Variants in SDCCAG8 observed in about 807,000 individuals in gnomAD.
The protein encoded by SDCCAG8 is SHH signaling and ciliogenesis regulator SDCCAG8.
In SDCCAG8, 74 loss-of-function variants were observed where a neutral mutation model predicts 101.8. The ratio of observed to expected loss-of-function variants is 0.73; its 90% confidence interval spans 0.60 to 0.88. The LOEUF (loss-of-function observed/expected upper bound fraction) is 0.88. Among genes scored for constraint, SDCCAG8 ranks in the 40% least tolerant of loss-of-function variants. SDCCAG8 has a pLI of 0.00. For missense variants in SDCCAG8, 787 were observed against 822.6 expected, an observed-to-expected ratio of 0.96 and a Z score of 0.53; for synonymous variants, 281 against 292.9, an observed-to-expected ratio of 0.96 and a Z score of 0.41.
At position 243,316,665 on chromosome 1, in the gene SDCCAG8, T is replaced by C. The variant is rs2073266742; in HGVS notation, c.930-90T>C. ...CTCAGCCGGCCTACCCTGGCTCTTCTAATACATATTAATGCTTTTCTCTCC... is the reference window on the plus strand; with the variant it reads ...CTCAGCCGGCCTACCCTGGCTCTTCCAATACATATTAATGCTTTTCTCTCC... On this transcript the variant is annotated intron_variant, in intron 8 of 17. Coordinates refer to ENST00000366541, the MANE Select transcript of SDCCAG8 (RefSeq NM_006642.5). 5 of 1,517,306 alleles carry C rather than the reference T, an allele frequency of 3.3e-6. No homozygotes were observed. In the South Asian group the frequency reaches 5.7e-5, roughly 17 times the overall value. 94.0% of individuals were successfully genotyped at this position (1,517,306 alleles called of 1,614,324 possible). A position where few individuals can be genotyped will look rare whatever the true frequency, so the allele number is the denominator to read the frequency against.
At chr1:243,400,279 T>A (rs1172133742) in intron 13 of SDCCAG8, among the ~76,000 whole-genome samples, 1 of 152,216 alleles carries the variant, frequency 6.6e-6, no homozygotes, top group Non-Finnish European at 1.5e-5. Context: ...TTCTATCAAA[T>A]CTCCACACAT....
intron 16 of SDCCAG8, among the ~76,000 whole-genome samples, chr1:243,455,194 G>C (rs994822302): frequency 3.3e-5 from 5 of 152,142 alleles, no homozygotes; most frequent in African/African-American, 4.8e-5. Flanking sequence ...AGGGAATTTT[G>C]AAGTTTTATT....
chr1:243,457,321 T>A (rs1422180367), intron 16 of SDCCAG8, among the ~76,000 whole-genome samples: 2 of 152,226 alleles, frequency 1.3e-5, no homozygotes, highest in African/African-American at 4.8e-5. Flanking sequence ...ATAATTCATG[T>A]AAATGTCCGC....
intron 16 of SDCCAG8, among the ~76,000 whole-genome samples, chr1:243,460,927 G>T (rs1422789946): frequency 6.6e-6 from 1 of 152,196 alleles, no homozygotes; most frequent in African/African-American, 2.4e-5. Context: ...GTATCTTATT[G>T]CTTAATTATT....
chr1:243,475,922 C>A, intron 16 of SDCCAG8: 1 of 985,234 alleles, frequency 1.0e-6, no homozygotes, highest in Non-Finnish European at 1.2e-6. Context: ...TATTCCTTCT[C>A]CCCCACAGTG....
chr1:243,270,392 C>G, intron 2 of SDCCAG8, 135 bp downstream of exon 2: 1 of 971,998 alleles, frequency 1.0e-6, no homozygotes, highest in Non-Finnish European at 1.6e-6. Flanking sequence ...AATTTAATTC[C>G]CTCGCTTAAT....
At chr1:243,386,837 G>A (rs1370669695) in intron 13 of SDCCAG8, among the ~76,000 whole-genome samples, 2 of 152,120 alleles carry the variant, frequency 1.3e-5, no homozygotes, top group Non-Finnish European at 2.9e-5. Context: ...TGCATGACAC[G>A]TGACGGTGAA....
intron 4 of SDCCAG8, among the ~76,000 whole-genome samples, chr1:243,275,217 A>G (rs1485302093): frequency 6.6e-6 from 1 of 152,200 alleles, no homozygotes; most frequent in Admixed American, 6.5e-5. Flanking sequence ...TAATGTCATT[A>G]ATGCTAATAG....
intron 10 of SDCCAG8, among the ~76,000 whole-genome samples, chr1:243,339,555 T>C (rs1307360806): frequency 6.6e-6 from 1 of 152,340 alleles, no homozygotes; most frequent in South Asian, 2.1e-4. Flanking sequence ...GAAAATTAGA[T>C]TTGTAGACAA....
chr1:243,409,988 T>G (rs973970907), intron 13 of SDCCAG8, among the ~76,000 whole-genome samples: 3 of 152,182 alleles, frequency 2.0e-5, no homozygotes, highest in African/African-American at 7.2e-5. Context: ...GCAAAAGTAT[T>G]GTGATTTTTG....
intron 12 of SDCCAG8, among the ~76,000 whole-genome samples, chr1:243,376,217 GTCTTTTAGTCAGATTTTACTA>G (rs1185292416): frequency 6.6e-6 from 1 of 152,144 alleles, no homozygotes; most frequent in African/African-American, 2.4e-5. Context: ...GATATTTGCT[GTCTTTTAGTCAGATTTTACTA>G]TGTGCTAGGC....
chr1:243,367,309 G>A (rs1012111322), intron 12 of SDCCAG8, among the ~76,000 whole-genome samples: 1 of 151,812 alleles, frequency 6.6e-6, no homozygotes, highest in Non-Finnish European at 1.5e-5. Flanking sequence ...TGTTTTCCTG[G>A]TTTTTTGCAG....
intron 1 of SDCCAG8, among the ~76,000 whole-genome samples, chr1:243,257,595 GT>G (rs1203188011): frequency 6.6e-6 from 1 of 152,252 alleles, no homozygotes; most frequent in East Asian, 1.9e-4. Flanking sequence ...CAAAGTGAAG[GT>G]TTTTCAATAT....
intron 8 of SDCCAG8, among the ~76,000 whole-genome samples, chr1:243,308,394 A>C (rs961317446): frequency 3.9e-5 from 6 of 152,230 alleles, no homozygotes; most frequent in African/African-American, 1.4e-4. Context: ...AAACCATGCC[A>C]CTTTGAACAG....
rs767707839 is a variant in SDCCAG8 at position 243,316,759 on chromosome 1, A to G, written c.934A>G (p.Arg312Gly). ...MQTIERLVKE[R>G]DDLMSALVSV... ...ATGTTCTTTTTGTGCTGACAGAGAA[A>G]GAGATGACTTGATGTCTGCACTAGT... The change falls in exon 9 of 18, where the codon AGA becomes GGA. Residue 312 changes from arginine to glycine, a missense_variant. By Grantham distance (125) the Arg-to-Gly change is moderately radical (BLOSUM62 -2). Transcript: ENST00000366541. 7 of 1,614,190 alleles carry G rather than the reference A, an allele frequency of 4.3e-6. No homozygotes were observed. The South Asian group carries it at 5.5e-5, about 13-fold the overall frequency.
At chr1:243,256,753 A>G (rs1254435236) in intron 1 of SDCCAG8, among the ~76,000 whole-genome samples, 4 of 152,244 alleles carry the variant, frequency 2.6e-5, no homozygotes, top group Admixed American at 6.5e-5. Flanking sequence ...TATTTTACAC[A>G]TGGGGAAAGC....
At chr1:243,480,345 G>T (rs1337316355) in intron 16 of SDCCAG8, among the ~76,000 whole-genome samples, 2 of 118,352 alleles carry the variant, frequency 1.7e-5, no homozygotes, top group Non-Finnish European at 3.5e-5. Flanking sequence ...TGGATAGGTG[G>T]GATGGATGGG....
chr1:243,415,683 T>G lies in SDCCAG8; in HGVS notation c.1617-19T>G. ...CATCTGCAGATTAAATTTCTGTATG[T>G]CTCCTCTCTGTTTTGCAGACAGGAA... On this transcript the variant is annotated intron_variant, in intron 13 of 17. Coordinates refer to ENST00000366541, the MANE Select transcript of SDCCAG8 (RefSeq NM_006642.5). 1 of 1,613,662 alleles carries G rather than the reference T, an allele frequency of 6.2e-7. No homozygotes were observed. The highest frequency in any genetic ancestry group is 8.5e-7 in the Non-Finnish European group (1 of 1,179,702).
rs150513602 is a variant in SDCCAG8 at position 243,354,544 on chromosome 1, G to A, written c.1473+10213G>A. Among the ~76,000 whole-genome samples, 134 of 152,318 alleles carry A rather than the reference G, an allele frequency of 8.8e-4. 2 individuals are homozygous for A. The highest frequency in any genetic ancestry group is 7.1e-3 in the Admixed American group (109 of 15,300). On this transcript the variant is annotated intron_variant, in intron 12 of 17. Transcript: ENST00000366541. ...TTCTACTGGAAAGATTTGAGGCACT[G>A]GCAAACTGTCAAAGGTAGTATTGTG...
Sources: gnomAD v4.1 joint callset for allele counts (sites outside exome capture counted in the v4.1 genomes callset) on GRCh38, gnomAD v4.1.1 for gene constraint, MANE v1.5 for transcripts, NCBI Gene and HGNC (gene_info 2026-07-23, HGNC 2026-07-21) for gene names.